The following ARRB2 variants were observed in gnomAD, a reference collection of about 807,000 sequenced individuals.
The protein encoded by ARRB2 is arrestin beta 2, also known as beta-arrestin-2.
Under a neutral mutation model 53.4 loss-of-function variants are expected in ARRB2, and 21 were observed. That is an observed-to-expected ratio of 0.39 (90% confidence interval 0.28 to 0.57). The LOEUF (loss-of-function observed/expected upper bound fraction) is 0.57. ARRB2 is among the 20% of genes least tolerant of loss of function. The pLI is 0.55. For missense variants in ARRB2, 369 were observed against 527.5 expected (o/e 0.70, Z 2.94); for synonymous variants, 180 against 212.9 (o/e 0.85, Z 1.34).
chr17:4,717,723 T>C lies in ARRB2; in HGVS notation c.456T>C (p.Ala152=). The C allele has an allele frequency of 6.2e-7, 1 of 1,614,168 alleles. No homozygotes were observed. Among genetic ancestry groups the C allele is most frequent in the Middle Eastern group, 1.6e-4 (1 of 6,062 alleles). ...ACTTTGAGATTCGAGCCTTCTGTGCTAAATCACTAGAAGAGAAAAGCCACA... is the reference window on the plus strand; with the variant it reads ...ACTTTGAGATTCGAGCCTTCTGTGCCAAATCACTAGAAGAGAAAAGCCACA... ...GVDFEIRAFC[A]KSLEEKSHKR... is the part of the protein sequence containing the mutation. The change falls in exon 7 of 15, where the codon GCT becomes GCC. Residue 152 remains alanine (A), a synonymous_variant. Transcript: ENST00000269260. The surrounding 1 kb of genome is among the most constrained non-coding windows in gnomAD (Gnocchi z 6.0).
At chr17:4,718,168 G>A (rs1198998127) in intron 8 of ARRB2, 93 bp from the exon 9 acceptor site, 4 of 1,543,692 alleles carry the variant, frequency 2.6e-6, no homozygotes, top group Non-Finnish European at 3.5e-6. Context: ...TTGAGGGGAG[G>A]GGGCCAGAAC....
In ARRB2 at chr17:4,716,834, C is replaced by T. The variant is rs1915115673; in HGVS notation, c.357+226C>T. The T allele has an allele frequency of 1.1e-5, 9 of 791,284 alleles. No individual in the cohort carries two copies. The East Asian group carries it at 2.4e-4, about 22-fold the overall frequency. The allele number at this position is 791,284 out of a possible 1,614,324, so 49.0% of individuals were successfully genotyped here. Reference sequence around the variant, plus strand: ...TCATCCCCAGGAGTCCTTTCTCCAGCCTCTTTTTTGTTGTTGTTGAGACAA... The same window carrying T: ...TCATCCCCAGGAGTCCTTTCTCCAGTCTCTTTTTTGTTGTTGTTGAGACAA... On this transcript the variant is annotated intron_variant, in intron 5 of 14. Coordinates refer to ENST00000269260, the MANE Select transcript of ARRB2 (RefSeq NM_004313.4).
intron 1 of ARRB2, chr17:4,714,794 G>C (rs1379466115): frequency 1.2e-5 from 4 of 344,678 alleles, no homozygotes; most frequent in African/African-American, 9.5e-5. Context: ...GAAATAGGAA[G>C]GACCTTCCGG....
chr17:4,717,963 C>A lies in ARRB2; in HGVS notation c.561C>A (p.Thr187=). The change falls in exon 8 of 15, where the codon ACC becomes ACA. Residue 187 remains threonine, a synonymous_variant. Transcript: ENST00000269260. The surrounding 1 kb of genome is among the most constrained non-coding windows in gnomAD (Gnocchi z 6.0). ...EKPGPQPSAE[T]TRHFLMSDRS... ...CCGGCCCCCAGCCTTCAGCCGAAAC[C>A]ACACGCCACTTCCTCATGTCTGACC... 6.2e-7 allele frequency: 1 copy of A among 1,613,794 alleles called. No homozygotes were observed. Among genetic ancestry groups the A allele is most frequent in the Non-Finnish European group, 8.5e-7 (1 of 1,180,030 alleles).
Position 4,717,790 on chromosome 17 carries a change from C to A in ARRB2, c.485+38C>A, listed in dbSNP as rs780185793. The A allele has an allele frequency of 6.2e-7, 1 of 1,601,994 alleles. No individual in the cohort carries two copies. The highest frequency in any genetic ancestry group is 1.1e-5 in the South Asian group (1 of 90,866). On this transcript the variant is annotated intron_variant, in intron 7 of 14. Transcript: ENST00000269260. This position sits in a 1 kb window ranked among gnomAD's most constrained non-coding sequence, Gnocchi z 6.0. ...ACCTCCTCTGTGGTGTAAGAGGAGGCTTTCCTCCCCGCTTCCAGGAGCCCA... is the reference window on the plus strand; with the variant it reads ...ACCTCCTCTGTGGTGTAAGAGGAGGATTTCCTCCCCGCTTCCAGGAGCCCA...
chr17:4,715,894 C>T, intron 2 of ARRB2, 79 bp from the exon 3 acceptor site: 1 of 1,528,984 alleles, frequency 6.5e-7, no homozygotes. Context: ...GATCCCCGGG[C>T]AGGGCAGCCA....
intron 2 of ARRB2, chr17:4,715,338 T>C (rs1374161189): frequency 2.5e-5 from 11 of 442,862 alleles, no homozygotes; most frequent in Non-Finnish European, 4.4e-5. Flanking sequence ...CAACCCAAGG[T>C]GCGTGGGGCT....
At chr17:4,720,766 C>T in intron 14 of ARRB2, 126 bp downstream of exon 14, 3 of 1,093,256 alleles carry the variant, frequency 2.7e-6, no homozygotes, top group Non-Finnish European at 2.6e-6. Context: ...ATCAAGATGC[C>T]TTAGCCTTGT....
intron 5 of ARRB2, 128 bp downstream of exon 5, chr17:4,716,736 T>C: frequency 6.9e-7 from 1 of 1,441,736 alleles, no homozygotes; most frequent in Non-Finnish European, 9.1e-7. Flanking sequence ...TCCACTTCCC[T>C]TCAGGGTCCC....
intron 1 of ARRB2, among the ~76,000 whole-genome samples, chr17:4,713,127 C>CGGGTGGATCACCTGAGGT (rs1277373635): frequency 1.3e-5 from 2 of 152,020 alleles, no homozygotes; most frequent in Non-Finnish European, 2.9e-5. Flanking sequence ...GAGGCTGAGG[C>CGGGTGGATCACCTGAGGT]GGGTGGATCA....
At chr17:4,720,777 G>A in intron 14 of ARRB2, 137 bp downstream of exon 14, 1 of 1,064,960 alleles carries the variant, frequency 9.4e-7, no homozygotes, top group East Asian at 2.5e-5. Context: ...TTAGCCTTGT[G>A]AGGCTGCCTC....
Position 4,720,302 on chromosome 17 carries a change from G to A in ARRB2, c.1001+3G>A, listed in dbSNP as rs1415590059. The A allele has an allele frequency of 6.2e-7, 1 of 1,613,832 alleles. No homozygotes were observed. Among genetic ancestry groups the A allele is most frequent in the East Asian group, 2.2e-5 (1 of 44,880 alleles). On this transcript the variant is annotated splice_donor_region_variant and intron_variant, in intron 12 of 14. Transcript: ENST00000269260. ...AAGCTGGTGGTGTCTCGAGGCGGGTGAGTGTCATGGGGGAGCCTGGGTGGG... is the reference window on the plus strand; with the variant it reads ...AAGCTGGTGGTGTCTCGAGGCGGGTAAGTGTCATGGGGGAGCCTGGGTGGG...
Position 4,717,287 on chromosome 17 carries a change from A to G in ARRB2, c.417+11A>G, listed in dbSNP as rs1256242641. 1 of 1,613,930 alleles carries G rather than the reference A, an allele frequency of 6.2e-7. No individual in the cohort carries two copies. Among genetic ancestry groups the G allele is most frequent in the East Asian group, 2.2e-5 (1 of 44,888 alleles). The stretch of plus-strand genomic sequence containing the variant: ...GAGGATACAGGAAAGGTACGGGAGG[A>G]ACAGCTCTGAGGGCTCCTAGGGCAG... On this transcript the variant is annotated intron_variant, in intron 6 of 14. Coordinates refer to ENST00000269260, the MANE Select transcript of ARRB2 (RefSeq NM_004313.4). This position sits in a 1 kb window ranked among gnomAD's most constrained non-coding sequence, Gnocchi z 6.0.
rs1006176815 is a variant in ARRB2, at chr17:4,717,368, G to C, written c.417+92G>C. The stretch of plus-strand genomic sequence containing the variant: ...GCTGAGCCAGAGGGTGAACTGTCGA[G>C]ATGCCAGGGTGGGGCCGAGGGTAGG... On this transcript the variant is annotated intron_variant, in intron 6 of 14. Coordinates refer to ENST00000269260, the MANE Select transcript of ARRB2 (RefSeq NM_004313.4). The surrounding 1 kb of genome is among the most constrained non-coding windows in gnomAD (Gnocchi z 6.0). The C allele has an allele frequency of 1.2e-5, 18 of 1,498,506 alleles. No individual in the cohort carries two copies. The highest frequency in any genetic ancestry group is 1.7e-5 in the Non-Finnish European group (18 of 1,076,212). The allele number at this position is 1,498,506 out of a possible 1,614,324, so 92.8% of individuals were successfully genotyped here.
At chr17:4,720,523 C>A in intron 13 of ARRB2, 51 bp downstream of exon 13, 1 of 1,586,818 alleles carries the variant, frequency 6.3e-7, no homozygotes, top group Non-Finnish European at 8.6e-7. Context: ...TGAAGCAGGG[C>A]CAGTGGAGGA....
Position 4,721,349 on chromosome 17 carries a change from G to A in ARRB2, c.*310G>A, listed in dbSNP as rs1193357282. 2.3e-6 allele frequency: 1 copy of A among 434,348 alleles called. No individual in the cohort carries two copies. Among genetic ancestry groups the A allele is most frequent in the East Asian group, 3.5e-5 (1 of 28,980 alleles). The allele number at this position is 434,348 out of a possible 1,614,324, so 26.9% of individuals were successfully genotyped here. ...AAAAGAGGAGTGACAGGAGGGAAAG[G>A]GGGAGACAAAACTCCTACTCTCAAC... On this transcript the variant is annotated 3_prime_UTR_variant, in exon 15 of 15. Coordinates refer to ENST00000269260, the MANE Select transcript of ARRB2 (RefSeq NM_004313.4). The surrounding 1 kb of genome is among the most constrained non-coding windows in gnomAD (Gnocchi z 4.2).
chr17:4,714,994 TC>T lies in ARRB2; in HGVS notation c.24-16del. 1 of 1,594,162 alleles carries T rather than the reference TC, an allele frequency of 6.3e-7. No individual in the cohort carries two copies. The highest frequency in any genetic ancestry group is 1.7e-4 in the Middle Eastern group (1 of 6,034). On this transcript the variant is annotated intron_variant, in intron 1 of 14. Coordinates refer to ENST00000269260, the MANE Select transcript of ARRB2 (RefSeq NM_004313.4). ...TGAGTCTGAGGGAGGCAGTGGGGTT[TC>T]CCTTTCTGTTTTGTTAGGGTCTTCA...
intron 11 of ARRB2, 132 bp from the exon 12 acceptor site, chr17:4,720,084 C>A: frequency 2.3e-6 from 2 of 883,326 alleles, no homozygotes; most frequent in Non-Finnish European, 1.8e-6. Context: ...CATAACCGCA[C>A]GGCCTGGGCT....
At chr17:4,714,145 T>C (rs1228966224) in intron 1 of ARRB2, among the ~76,000 whole-genome samples, 1 of 152,222 alleles carries the variant, frequency 6.6e-6, no homozygotes, top group Non-Finnish European at 1.5e-5. Flanking sequence ...GGGAGCTAAC[T>C]ATCCTTGTGT....
Sources: gnomAD v4.1 joint callset for allele counts (sites outside exome capture counted in the v4.1 genomes callset) on GRCh38, gnomAD v4.1.1 for gene constraint, Gnocchi (gnomAD v3.1) non-coding constraint, MANE v1.5 for transcripts, NCBI Gene and HGNC (gene_info 2026-07-23, HGNC 2026-07-21) for gene names.